CCDC60: variants seen among roughly 807,000 people sequenced by gnomAD.
The protein encoded by CCDC60 is coiled-coil domain containing 60.
In CCDC60, 54 loss-of-function variants were observed where a neutral mutation model predicts 63.5. The ratio of observed to expected loss-of-function variants is 0.85; its 90% CI spans 0.68 to 1.07. The LOEUF (loss-of-function observed/expected upper bound fraction) is 1.07. Ranked by LOEUF, CCDC60 falls within the 50% of genes least tolerant of loss-of-function variation. CCDC60 has a pLI of 0.00. For missense variants in CCDC60, 651 were observed against 684.3 expected (o/e 0.95, Z 0.54); for synonymous variants, 206 against 238.8 (o/e 0.86, Z 1.27).
chr12:119,527,266 G>A (rs925699044), intron 11 of CCDC60, among the ~76,000 whole-genome samples: 1 of 152,072 alleles, frequency 6.6e-6, no homozygotes, highest in Non-Finnish European at 1.5e-5. Flanking sequence ...CTACCTTGAG[G>A]GGGGATGGTG....
intron 12 of CCDC60, among the ~76,000 whole-genome samples, chr12:119,529,483 C>T (rs573225519): frequency 1.8e-4 from 28 of 152,192 alleles, no homozygotes; most frequent in Non-Finnish European, 2.9e-4. Flanking sequence ...TGTGGTGTCC[C>T]GAACCCCATC....
rs375576526 is a variant in CCDC60, at chr12:119,412,271, TA to T, written c.91-16400del. 1.4e-3 allele frequency among the ~76,000 whole-genome samples: 198 copies of T among 145,646 alleles called. No individual in the cohort carries two copies. The East Asian group carries it at 0.014, about 10-fold the overall frequency. Reference sequence around the variant, plus strand: ...TCAGCTCTGCTTCTGCTCTTCACATTAAAAAAAAAAAATGAGGTTAAAAGTT... The same window carrying T: ...TCAGCTCTGCTTCTGCTCTTCACATTAAAAAAAAAAATGAGGTTAAAAGTT... On this transcript the variant is annotated intron_variant, in intron 1 of 13. Coordinates refer to ENST00000327554, the MANE Select transcript of CCDC60 (RefSeq NM_178499.5).
chr12:119,449,402 A>T (rs74508679), intron 2 of CCDC60, among the ~76,000 whole-genome samples: 10,150 of 152,132 alleles, frequency 0.067, 320 homozygotes, highest in East Asian at 0.09. Flanking sequence ...GCTGGAAAAA[A>T]ATATATATAT....
chr12:119,413,509 A>G (rs894224917), intron 1 of CCDC60, among the ~76,000 whole-genome samples: 1 of 152,138 alleles, frequency 6.6e-6, no homozygotes, highest in African/African-American at 2.4e-5. Context: ...AATTGATTCA[A>G]TGTGTATAAA....
At chr12:119,361,724 T>G (rs537681186) in intron 1 of CCDC60, among the ~76,000 whole-genome samples, 35 of 152,252 alleles carry the variant, frequency 2.3e-4, no homozygotes, top group South Asian at 6.2e-4. Context: ...ACAAAAACAG[T>G]TAGTGTCTAT....
At chr12:119,379,456 C>A (rs551955059) in intron 1 of CCDC60, among the ~76,000 whole-genome samples, 1 of 152,308 alleles carries the variant, frequency 6.6e-6, no homozygotes, top group East Asian at 1.9e-4. Flanking sequence ...CACTGTTCTG[C>A]ACTTTGTTGG....
At chr12:119,507,607 T>TAG in intron 7 of CCDC60, among the ~76,000 whole-genome samples, 1 of 33,762 alleles carries the variant, frequency 3.0e-5, no homozygotes, top group Non-Finnish European at 4.8e-5. Context: ...TATATATATA[T>TAG]ATATATATTT....
chr12:119,382,259 G>T (rs763693640), intron 1 of CCDC60, among the ~76,000 whole-genome samples: 4 of 152,194 alleles, frequency 2.6e-5, no homozygotes, highest in Admixed American at 6.5e-5. Flanking sequence ...GTTTTACCAT[G>T]AGGCAGAGAT....
chr12:119,356,092 C>T (rs1423859220), intron 1 of CCDC60, among the ~76,000 whole-genome samples: 1 of 152,184 alleles, frequency 6.6e-6, no homozygotes, highest in African/African-American at 2.4e-5. Context: ...AAATAGTGGA[C>T]CTATTATCTC....
chr12:119,528,880 AG>A (rs1952763244), intron 12 of CCDC60, 134 bp downstream of exon 12: 3 of 842,452 alleles, frequency 3.6e-6, no homozygotes, highest in Non-Finnish European at 3.5e-6. Context: ...GGCCATCAAC[AG>A]GATCCCCCAC....
intron 1 of CCDC60, among the ~76,000 whole-genome samples, chr12:119,346,866 C>T (rs1219738302): frequency 1.4e-4 from 20 of 146,488 alleles, no homozygotes; most frequent in Non-Finnish European, 2.4e-4. Flanking sequence ...GCTCTGTCAC[C>T]GAGGCTGGAG....
intron 1 of CCDC60, among the ~76,000 whole-genome samples, chr12:119,421,342 A>C (rs1027189767): frequency 6.6e-6 from 1 of 152,194 alleles, no homozygotes; most frequent in African/African-American, 2.4e-5. Flanking sequence ...AGTATCTGTA[A>C]ATCAATAGCT....
chr12:119,466,614 C>T (rs1172647389), intron 2 of CCDC60, among the ~76,000 whole-genome samples: 2 of 152,166 alleles, frequency 1.3e-5, no homozygotes, highest in Non-Finnish European at 2.9e-5. Flanking sequence ...CAGGTGCACC[C>T]TCCTTTGATG....
intron 3 of CCDC60, among the ~76,000 whole-genome samples, chr12:119,475,205 C>T (rs1951149505): frequency 6.6e-6 from 1 of 152,202 alleles, no homozygotes; most frequent in African/African-American, 2.4e-5. Flanking sequence ...AAAGAGAAGG[C>T]ATGAACTCAT....
intron 2 of CCDC60, among the ~76,000 whole-genome samples, chr12:119,448,493 G>C (rs888059676): frequency 6.6e-6 from 1 of 152,194 alleles, no homozygotes; most frequent in African/African-American, 2.4e-5. Context: ...TGAGGCTTCA[G>C]AGACCTGCCT....
chr12:119,388,526 T>C (rs187395809), intron 1 of CCDC60, among the ~76,000 whole-genome samples: 217 of 152,356 alleles, frequency 1.4e-3, no homozygotes, highest in African/African-American at 5.0e-3. Context: ...ACCTACCTGA[T>C]TGTCAAGATT....
chr12:119,337,367 C>T (rs1427110929), intron 1 of CCDC60, among the ~76,000 whole-genome samples: 3 of 152,174 alleles, frequency 2.0e-5, no homozygotes, highest in Non-Finnish European at 2.9e-5. Context: ...GACAGAATCA[C>T]CCTGGGTTTG....
At chr12:119,423,754 T>A (rs1956854839) in intron 1 of CCDC60, among the ~76,000 whole-genome samples, 1 of 152,206 alleles carries the variant, frequency 6.6e-6, no homozygotes, top group Non-Finnish European at 1.5e-5. Context: ...TTTGAGCTCT[T>A]CCAGCACCTT....
At chr12:119,378,316 G>C (rs986010385) in intron 1 of CCDC60, among the ~76,000 whole-genome samples, 2 of 152,100 alleles carry the variant, frequency 1.3e-5, no homozygotes, top group African/African-American at 2.4e-5. Context: ...GCATTCACCC[G>C]TGCAAGCTTC....
Sources: allele counts gnomAD v4.1 joint callset (sites outside exome capture counted in the v4.1 genomes callset), GRCh38; gene constraint gnomAD v4.1.1; transcripts MANE v1.5; gene names NCBI Gene and HGNC (gene_info 2026-07-23, HGNC 2026-07-21).